Variants in CEP63 observed in about 807,000 individuals in gnomAD.
CEP63 encodes centrosomal protein 63.
In CEP63, 84 loss-of-function variants were observed where a neutral mutation model predicts 89.1. The observed-to-expected ratio is 0.94, with a 90% CI of 0.79 to 1.13. CEP63 has a LOEUF of 1.13. Ranked by LOEUF, CEP63 falls within the 50% of genes most tolerant of loss-of-function variation. The pLI is 0.00. For missense variants in CEP63, 838 were observed against 813.3 expected (o/e 1.03, Z -0.37); for synonymous variants, 267 against 272.5 (o/e 0.98, Z 0.20).
At position 134,507,328 on chromosome 3, in the gene CEP63, T is replaced by A. The variant is rs760176943; in HGVS notation, c.222+42T>A. 26 of 1,410,776 alleles carry A rather than the reference T, an allele frequency of 1.8e-5. No homozygotes were observed. The Admixed American group carries it at 4.3e-4, about 23-fold the overall frequency. The allele number at this position is 1,410,776 out of a possible 1,614,324, so 87.4% of individuals were successfully genotyped here. A position where few individuals can be genotyped will look rare whatever the true frequency, so the allele number is the denominator to read the frequency against. On this transcript the variant is annotated intron_variant, in intron 3 of 14. Transcript: ENST00000675561. ...GTTCTTCTTTTTGACATTTTTATCTTGTCTTTTATATTAAATGTGTTTCTT... is the reference window on the plus strand; with the variant it reads ...GTTCTTCTTTTTGACATTTTTATCTAGTCTTTTATATTAAATGTGTTTCTT...
the CEP63 span, among the ~76,000 whole-genome samples, chr3:134,644,899 G>A: frequency 6.6e-6 from 1 of 152,218 alleles, no homozygotes; most frequent in African/African-American, 2.4e-5. Flanking sequence ...GGTCCACTGT[G>A]TATTCCAATA....
At chr3:134,650,710 T>G in the CEP63 span, 2 of 967,346 alleles carry the variant, frequency 2.1e-6, no homozygotes, top group South Asian at 1.8e-5. Flanking sequence ...GGGGAGAGGG[T>G]CGGGTTCGCT....
intron 14 of CEP63, among the ~76,000 whole-genome samples, 192 bp downstream of exon 14, chr3:134,559,621 A>G (rs1484700226): frequency 6.6e-6 from 1 of 152,114 alleles, no homozygotes; most frequent in East Asian, 1.9e-4. Context: ...CTACTTTTCA[A>G]AATGTTCTGA....
At chr3:134,627,498 A>G in the CEP63 span, among the ~76,000 whole-genome samples, 8 of 152,226 alleles carry the variant, frequency 5.3e-5, no homozygotes, top group Admixed American at 1.3e-4. Flanking sequence ...TATGTTTCCT[A>G]TAATGGTCTG....
the CEP63 span, chr3:134,610,073 A>G: frequency 9.5e-7 from 1 of 1,051,504 alleles, no homozygotes; most frequent in Non-Finnish European, 1.4e-6. Flanking sequence ...AGGAGTGGGC[A>G]TGGGGCCTCC....
At chr3:134,682,940 G>A in the CEP63 span, among the ~76,000 whole-genome samples, 3 of 152,298 alleles carry the variant, frequency 2.0e-5, no homozygotes, top group East Asian at 5.8e-4. Flanking sequence ...TCATTAAAGG[G>A]CGTTTAGTAG....
the CEP63 span, among the ~76,000 whole-genome samples, chr3:134,654,913 T>C: frequency 3.9e-5 from 6 of 152,206 alleles, no homozygotes; most frequent in Admixed American, 2.6e-4. Context: ...ATCCCAATAG[T>C]TAATTTGGAA....
intron 1 of CEP63, chr3:134,488,176 A>G (rs1936310911): frequency 6.6e-6 from 1 of 152,218 alleles, no homozygotes. Flanking sequence ...TCCTAGGGGC[A>G]CGAACCCTAT....
the CEP63 span, among the ~76,000 whole-genome samples, chr3:134,722,794 C>T: frequency 6.6e-6 from 1 of 152,004 alleles, no homozygotes; most frequent in Non-Finnish European, 1.5e-5. Flanking sequence ...CTGTTGATAC[C>T]AATTTGAATT....
At chr3:134,699,619 G>T in the CEP63 span, among the ~76,000 whole-genome samples, 1 of 152,210 alleles carries the variant, frequency 6.6e-6, no homozygotes, top group African/African-American at 2.4e-5. Context: ...CTCCTTGTCT[G>T]TCTGCCTTGT....
At chr3:134,575,118 T>C (rs573364298), downstream of CEP63, 1 of 327,848 alleles carries the variant, frequency 3.1e-6, no homozygotes, top group South Asian at 1.6e-4. Flanking sequence ...GATAACTCCT[T>C]CCTTCCTTCC....
chr3:134,702,129 A>C, the CEP63 span, among the ~76,000 whole-genome samples: 2 of 152,190 alleles, frequency 1.3e-5, no homozygotes, highest in African/African-American at 4.8e-5. Flanking sequence ...CACAAAAAGA[A>C]AAAAATGCTT....
intron 2 of CEP63, among the ~76,000 whole-genome samples, chr3:134,499,191 TA>T (rs1234970879): frequency 1.3e-5 from 2 of 152,228 alleles, no homozygotes; most frequent in African/African-American, 4.8e-5. Flanking sequence ...GGAGACTTTT[TA>T]TTCCTGGTTC....
chr3:134,739,037 G>A, the CEP63 span, among the ~76,000 whole-genome samples: 1 of 151,884 alleles, frequency 6.6e-6, no homozygotes, highest in Non-Finnish European at 1.5e-5. Context: ...ATACACTGTT[G>A]GTGGGAATGT....
chr3:134,667,643 G>C, the CEP63 span, among the ~76,000 whole-genome samples: 1 of 152,236 alleles, frequency 6.6e-6, no homozygotes, highest in Non-Finnish European at 1.5e-5. Context: ...CACTGACTGG[G>C]TGTTCAGCTG....
intron 5 of CEP63, among the ~76,000 whole-genome samples, chr3:134,534,803 A>G (rs79700571): frequency 0.11 from 16,800 of 151,998 alleles, 1,223 homozygotes; most frequent in Middle Eastern, 0.2. Context: ...CTCATCTCCT[A>G]CTTTCCACAA....
At chr3:134,554,042 G>A (rs9870217) in intron 12 of CEP63, among the ~76,000 whole-genome samples, 152,040 of 152,352 alleles carry the variant, frequency 1, 75,865 homozygotes, top group Middle Eastern at 1. Context: ...CTCTAAAACT[G>A]TCATGAAAGG....
intron 1 of CEP63, among the ~76,000 whole-genome samples, chr3:134,487,650 T>G (rs1214036747): frequency 1.3e-5 from 2 of 152,232 alleles, no homozygotes; most frequent in African/African-American, 4.8e-5. Context: ...GATCTTTATG[T>G]TATTTTAGTC....
chr3:134,719,051 A>G, the CEP63 span, among the ~76,000 whole-genome samples: 1 of 152,220 alleles, frequency 6.6e-6, no homozygotes, highest in South Asian at 2.1e-4. Context: ...GGCTTTCTTC[A>G]TTCACTAACT....
Sources: gnomAD v4.1 joint callset for allele counts (sites outside exome capture counted in the v4.1 genomes callset) on GRCh38, gnomAD v4.1.1 for gene constraint, MANE v1.5 for transcripts, NCBI Gene and HGNC (gene_info 2026-07-23, HGNC 2026-07-21) for gene names.